Variants in R3HDM4 observed in about 807,000 individuals in gnomAD.
R3HDM4 encodes the protein R3H domain containing 4, also known as R3H domain-containing protein 4.
A neutral mutation model predicts 31.3 loss-of-function variants in R3HDM4; 30 were observed. The observed-to-expected ratio is 0.96, with a 90% CI of 0.72 to 1.30. The LOEUF (loss-of-function observed/expected upper bound fraction) is 1.30, where lower values mean the gene tolerates loss of function less well. Among genes scored for constraint, R3HDM4 ranks in the 50% most tolerant of loss-of-function variants. R3HDM4 has a pLI of 0.00. For missense variants in R3HDM4, 444 were observed against 366.1 expected (o/e 1.21, Z -1.74); for synonymous variants, 196 against 156.6 (o/e 1.25, Z -1.88).
chr19:902,240 A>T (rs2036847547), intron 1 of R3HDM4, 110 bp from the exon 2 acceptor site: 1 of 1,234,568 alleles, frequency 8.1e-7, no homozygotes, highest in Non-Finnish European at 1.1e-6. Context: ...TGGAGAGCTC[A>T]CCCCTACGGT....
chr19:901,404 G>A lies in R3HDM4; in HGVS notation c.351+18C>T. The stretch of plus-strand genomic sequence containing the variant: ...CGGGGTCCCCGTGTGGAGGGAGTGA[G>A]GGGGTTGGGGGCCACACCTCCACAT... On this transcript the variant is annotated intron_variant, in intron 3 of 7. Transcript: ENST00000361574. 3 of 1,599,902 alleles carry A rather than the reference G, an allele frequency of 1.9e-6. No individual in the cohort carries two copies. Among genetic ancestry groups the A allele is most frequent in the Non-Finnish European group, 8.5e-7 (1 of 1,177,772 alleles).
chr19:902,482 T>A (rs552499926), intron 1 of R3HDM4: 47 of 197,454 alleles, frequency 2.4e-4, no homozygotes, highest in East Asian at 7.0e-4. Flanking sequence ...CAAAAAAAAA[T>A]AATAATTAAA....
At chr19:905,960 T>C (rs2036898901) in intron 1 of R3HDM4, among the ~76,000 whole-genome samples, 1 of 152,052 alleles carries the variant, frequency 6.6e-6, no homozygotes, top group African/African-American at 2.4e-5. Context: ...GGCTGCGGCG[T>C]TAGCAGGGCA....
In R3HDM4 at chr19:902,058, C is replaced by T. The variant is rs766801241; in HGVS notation, c.144G>A (p.Gln48=). The change falls in exon 2 of 8, where the codon CAG becomes CAA. Residue 48 remains glutamine, a synonymous_variant. Coordinates refer to ENST00000361574, the MANE Select transcript of R3HDM4 (RefSeq NM_138774.4). The part of the protein sequence containing the change: ...VKRLSASRRK[Q]HFINQAVRNS... ...TCCGCACTGCCTGGTTGATGAAGTG[C>T]TGTTTCCGCCTGGAAGCCGAGAGTC... 23 of 1,613,912 alleles carry T rather than the reference C, an allele frequency of 1.4e-5. No homozygotes were observed. The highest frequency in any genetic ancestry group is 1.9e-5 in the Non-Finnish European group (23 of 1,180,018).
At chr19:909,575 C>T (rs1481894403) in intron 1 of R3HDM4, among the ~76,000 whole-genome samples, 1 of 151,752 alleles carries the variant, frequency 6.6e-6, no homozygotes, top group African/African-American at 2.4e-5. Context: ...GCAGGTGGAT[C>T]ACCTGAGGTC....
intron 1 of R3HDM4, among the ~76,000 whole-genome samples, chr19:903,952 G>A (rs1272642820): frequency 3.9e-5 from 6 of 152,174 alleles, no homozygotes; most frequent in Admixed American, 1.3e-4. Context: ...TCGGGAGGCT[G>A]AGGCAGGAGA....
chr19:896,784 A>G lies in R3HDM4; in HGVS notation c.*653T>C, dbSNP rs765121303. 2 of 152,606 alleles carry G rather than the reference A, an allele frequency of 1.3e-5. No homozygotes were observed. The highest frequency in any genetic ancestry group is 2.9e-5 in the Non-Finnish European group (2 of 68,072). The allele number at this position is 152,606 out of a possible 1,614,324, so 9.5% of individuals were successfully genotyped here. ...GAAAGGAAGGGGGCTCATATAAAGC[A>G]GGAGACCCTGAGCCCCGACACAGGT... On this transcript the variant is annotated 3_prime_UTR_variant, in exon 8 of 8. Transcript: ENST00000361574. The surrounding 1 kb of genome is among the most constrained non-coding windows in gnomAD (Gnocchi z 4.0).
chr19:912,729 G>A (rs568617105), intron 1 of R3HDM4, among the ~76,000 whole-genome samples: 3 of 127,236 alleles, frequency 2.4e-5, no homozygotes, highest in African/African-American at 5.8e-5. Context: ...CAGTGGGGGG[G>A]CGGACCGGGG....
chr19:901,461 G>C lies in R3HDM4; in HGVS notation c.312C>G (p.Gly104=). The C allele has an allele frequency of 6.2e-7, 1 of 1,609,268 alleles. No individual in the cohort carries two copies. Among genetic ancestry groups the C allele is most frequent in the Non-Finnish European group, 8.5e-7 (1 of 1,179,628 alleles). The part of the protein sequence containing the change: ...DGDLAPPASP[G]IFAEACNNAT... ...CGTTGTTGCAGGCCTCGGCAAAGAT[G>C]CCTGGTGATGCAGGGGGTGCCAAGT... Residue 104 remains glycine, a synonymous_variant, in exon 3 of 8, where the codon GGC becomes GGG. Coordinates refer to ENST00000361574, the MANE Select transcript of R3HDM4 (RefSeq NM_138774.4).
chr19:902,064 C>T lies in R3HDM4; in HGVS notation c.138G>A (p.Arg46=). ...SQVKRLSASR[R]KQHFINQAVR... ...CTGCCTGGTTGATGAAGTGCTGTTT[C>T]CGCCTGGAAGCCGAGAGTCTCTTCA... Residue 46 remains arginine (R), a synonymous_variant, in exon 2 of 8, where the codon CGG becomes CGA. Coordinates refer to ENST00000361574, the MANE Select transcript of R3HDM4 (RefSeq NM_138774.4). 1 of 1,613,922 alleles carries T rather than the reference C, an allele frequency of 6.2e-7. No homozygotes were observed. The highest frequency in any genetic ancestry group is 8.5e-7 in the Non-Finnish European group (1 of 1,180,010).
intron 1 of R3HDM4, among the ~76,000 whole-genome samples, chr19:910,842 C>T (rs144280447): frequency 7.3e-5 from 11 of 150,536 alleles, no homozygotes; most frequent in African/African-American, 2.2e-4. Context: ...TAATACTAGC[C>T]GGCGCGGTGG....
In R3HDM4 at chr19:901,292, G is replaced by T; in HGVS notation, c.351+130C>A. On this transcript the variant is annotated intron_variant, in intron 3 of 7. Transcript: ENST00000361574. ...TGGTCTGGGGACCCCGAAGGAGACT[G>T]AGGGGCCTTCATTAGGAGATCAGAA... 7.7e-6 allele frequency: 8 copies of T among 1,043,712 alleles called. No homozygotes were observed. The Admixed American group carries it at 1.7e-4, about 22-fold the overall frequency. 64.7% of individuals were successfully genotyped at this position (1,043,712 alleles called of 1,614,324 possible).
At position 899,966 on chromosome 19, in the gene R3HDM4, A is replaced by G; in HGVS notation, c.561+95T>C. 7.7e-7 allele frequency: 1 copy of G among 1,300,440 alleles called. No homozygotes were observed. Among genetic ancestry groups the G allele is most frequent in the South Asian group, 1.2e-5 (1 of 81,642 alleles). The allele number at this position is 1,300,440 out of a possible 1,614,324, so 80.6% of individuals were successfully genotyped here. A position where few individuals can be genotyped will look rare whatever the true frequency, so the allele number is the denominator to read the frequency against. On this transcript the variant is annotated intron_variant, in intron 5 of 7. Transcript: ENST00000361574. The surrounding 1 kb of genome is among the most constrained non-coding windows in gnomAD (Gnocchi z 6.8). ...TGTATCCTGCCCTGTTTCCCCTGAC[A>G]CGACCTGCACCGGGTGAGAACCTGT...
At chr19:901,265 C>T in intron 3 of R3HDM4, 157 bp downstream of exon 3, 1 of 834,086 alleles carries the variant, frequency 1.2e-6, no homozygotes, top group South Asian at 1.8e-5. Flanking sequence ...GGGATTCTGG[C>T]CTGGTCTGGG....
rs1243731353 is a variant in R3HDM4, at chr19:898,205, A to C, written c.704-665T>G. 1.7e-4 allele frequency among the ~76,000 whole-genome samples: 23 copies of C among 137,088 alleles called. No individual in the cohort carries two copies. The East Asian group carries it at 4.5e-3, about 27-fold the overall frequency. The allele number at this position is 137,088 out of a possible 152,430, so 89.9% of individuals were successfully genotyped here. A position where few individuals can be genotyped will look rare whatever the true frequency, so the allele number is the denominator to read the frequency against. ...GAGACCATCCTGGCTAACACAGTGA[A>C]ACCCTGTCTCTACTAAAAAAAAAAA... On this transcript the variant is annotated intron_variant, in intron 7 of 7. Transcript: ENST00000361574.
At chr19:911,530 C>T (rs1467205248) in intron 1 of R3HDM4, among the ~76,000 whole-genome samples, 2 of 152,240 alleles carry the variant, frequency 1.3e-5, no homozygotes, top group Non-Finnish European at 2.9e-5. Flanking sequence ...CTGGGCCCGC[C>T]GCAGTGCCAG....
Position 899,974 on chromosome 19 carries a change from C to T in R3HDM4, c.561+87G>A. The T allele has an allele frequency of 1.5e-6, 2 of 1,355,310 alleles. No individual in the cohort carries two copies. The highest frequency in any genetic ancestry group is 2.1e-6 in the Non-Finnish European group (2 of 951,078). The allele number at this position is 1,355,310 out of a possible 1,614,324, so 84.0% of individuals were successfully genotyped here. A position where few individuals can be genotyped will look rare whatever the true frequency, so the allele number is the denominator to read the frequency against. ...GCCCTGTTTCCCCTGACACGACCTG[C>T]ACCGGGTGAGAACCTGTGCCTGGGA... On this transcript the variant is annotated intron_variant, in intron 5 of 7. Coordinates refer to ENST00000361574, the MANE Select transcript of R3HDM4 (RefSeq NM_138774.4). This position sits in a 1 kb window ranked among gnomAD's most constrained non-coding sequence, Gnocchi z 6.8.
chr19:903,975 G>C (rs577662953), intron 1 of R3HDM4, among the ~76,000 whole-genome samples: 4 of 152,104 alleles, frequency 2.6e-5, no homozygotes, highest in Non-Finnish European at 2.9e-5. Context: ...GGTGTGAACC[G>C]GGGAGGCAGA....
chr19:909,281 A>G (rs1301466522), intron 1 of R3HDM4, among the ~76,000 whole-genome samples: 2 of 152,142 alleles, frequency 1.3e-5, no homozygotes, highest in African/African-American at 2.4e-5. Context: ...TCCCCCAGGA[A>G]CCCACTAGAG....
Sources: allele counts gnomAD v4.1 joint callset (sites outside exome capture counted in the v4.1 genomes callset), GRCh38; gene constraint gnomAD v4.1.1; non-coding constraint Gnocchi (gnomAD v3.1); transcripts MANE v1.5; gene names NCBI Gene and HGNC (gene_info 2026-07-23, HGNC 2026-07-21).